Variants in DNAH17 observed in about 807,000 individuals in gnomAD.
The protein encoded by DNAH17 is dynein axonemal heavy chain 17.
In DNAH17, 376 loss-of-function variants were observed where a neutral mutation model predicts 485.6. The ratio of observed to expected loss-of-function variants is 0.77; its 90% CI spans 0.71 to 0.84. The LOEUF (loss-of-function observed/expected upper bound fraction) is 0.84. DNAH17 is among the 40% of genes least tolerant of loss of function. DNAH17 has a pLI of 0.00. For missense variants in DNAH17, 6,370 were observed against 5,839.3 expected (o/e 1.09, Z -2.96); for synonymous variants, 3,031 against 2,405.9 (o/e 1.26, Z -7.60).
chr17:78,556,085 CTCTG>C (rs1262912797), intron 14 of DNAH17, among the ~76,000 whole-genome samples: 4 of 152,300 alleles, frequency 2.6e-5, no homozygotes, highest in East Asian at 3.9e-4. Context: ...ATGTCTATAT[CTCTG>C]TCTGTCCATC....
chr17:78,542,710 T>G (rs1040836989), intron 17 of DNAH17, among the ~76,000 whole-genome samples: 10 of 152,180 alleles, frequency 6.6e-5, no homozygotes, highest in African/African-American at 2.4e-4. Flanking sequence ...TCATATGCTG[T>G]TGGGACTACT....
At chr17:78,428,381 T>G in intron 77 of DNAH17, 144 bp downstream of exon 77, 3 of 996,468 alleles carry the variant, frequency 3.0e-6, no homozygotes, top group East Asian at 2.6e-5. Context: ...CATACCCCAG[T>G]GTTTCTGATA....
In DNAH17 at chr17:78,532,534, G is replaced by C. The variant is rs1157222768; in HGVS notation, c.3062C>G (p.Thr1021Arg). ...CGGTGTCTTGGGGATGGTGTCATCT[G>C]TCCAGGTGTCCAAGTCCTCCGCAGT... is the stretch of plus-strand genomic sequence containing the variant. ...AVTAEDLDTW[T>R]DDTIPKTPPT... The change falls in exon 20 of 81, where the codon ACA becomes AGA. Residue 1021 changes from threonine to arginine, a missense_variant. Physicochemically the swap from Thr to Arg is moderately conservative, Grantham distance 71. Transcript: ENST00000389840. 6.2e-7 allele frequency: 1 copy of C among 1,611,330 alleles called. No individual in the cohort carries two copies.
intron 18 of DNAH17, 60 bp downstream of exon 18, chr17:78,539,677 T>A: frequency 7.3e-7 from 1 of 1,364,954 alleles, no homozygotes; most frequent in South Asian, 1.6e-5. Flanking sequence ...CTAGAAACTA[T>A]AGATTCTAAC....
intron 56 of DNAH17, among the ~76,000 whole-genome samples, chr17:78,464,513 G>A (rs189504095): frequency 6.6e-6 from 1 of 152,274 alleles, no homozygotes; most frequent in Admixed American, 6.5e-5. Context: ...TGCCCGCTTT[G>A]GCCCCCCAAA....
At position 78,424,160 on chromosome 17, in the gene DNAH17, G is replaced by C. The variant is rs1159531125; in HGVS notation, c.13142-7C>G. 9 of 1,606,100 alleles carry C rather than the reference G, an allele frequency of 5.6e-6. No homozygotes were observed. Among genetic ancestry groups the C allele is most frequent in the Non-Finnish European group, 7.6e-6 (9 of 1,176,746 alleles). On this transcript the variant is annotated splice_region_variant and splice_polypyrimidine_tract_variant and intron_variant, in intron 80 of 80. Coordinates refer to ENST00000389840, the MANE Select transcript of DNAH17 (RefSeq NM_173628.4). ...TGGGTGTCCCAGCGAGCCCCTGCAGGGACAGTATGGCTGAGGGTCAGGTGT... is the reference window on the plus strand; with the variant it reads ...TGGGTGTCCCAGCGAGCCCCTGCAGCGACAGTATGGCTGAGGGTCAGGTGT...
chr17:78,465,470 C>CA (rs1290503977), intron 56 of DNAH17, among the ~76,000 whole-genome samples: 2 of 142,600 alleles, frequency 1.4e-5, no homozygotes, highest in African/African-American at 5.1e-5. Context: ...GCTGCCATCC[C>CA]ACCTAGGAAG....
At chr17:78,560,450 G>A (rs1417135197) in intron 13 of DNAH17, among the ~76,000 whole-genome samples, 2 of 151,648 alleles carry the variant, frequency 1.3e-5, no homozygotes, top group East Asian at 2.0e-4. Context: ...ACCAGCCAGT[G>A]CATTTATCTA....
rs2090354054 is a variant in DNAH17, at chr17:78,503,004, A to C, written c.4964T>G (p.Val1655Gly). The change falls in exon 32 of 81, where the codon GTG (valine) becomes GGG (glycine). Residue 1655 changes from valine to glycine, a missense_variant. Val to Gly is a moderately radical substitution (Grantham distance 109). Coordinates refer to ENST00000389840, the MANE Select transcript of DNAH17 (RefSeq NM_173628.4). ...TCGGTCCAGCACTCGATTCAGCCAC[A>C]CTTCCACCTGGGGACGGGAGCCACG... ...QECDLSGQVEVWLNRVLDRMC... is the reference protein window; with the variant it reads ...QECDLSGQVEGWLNRVLDRMC... 1.2e-6 allele frequency: 2 copies of C among 1,613,270 alleles called. No individual in the cohort carries two copies. Among genetic ancestry groups the C allele is most frequent in the Non-Finnish European group, 1.7e-6 (2 of 1,179,650 alleles).
chr17:78,483,623 T>G (rs1480312158), intron 48 of DNAH17, among the ~76,000 whole-genome samples: 1 of 126,622 alleles, frequency 7.9e-6, no homozygotes, highest in Non-Finnish European at 1.7e-5. Flanking sequence ...AGAGCGAAAC[T>G]CTGTCTTGGA....
chr17:78,514,870 G>C lies in DNAH17; in HGVS notation c.4017C>G (p.Thr1339=). ...GCAGGGACGTGATCACGTTTTTCAC[G>C]GTGTTGTCGAGCCCCACGAAGGCAT... ...TWDAFVGLDN[T]VKNVITSLRA... is the part of the protein sequence containing the mutation. Residue 1339 remains threonine (T), a synonymous_variant, in exon 26 of 81, where the codon ACC becomes ACG. Coordinates refer to ENST00000389840, the MANE Select transcript of DNAH17 (RefSeq NM_173628.4). 2 of 1,614,036 alleles carry C rather than the reference G, an allele frequency of 1.2e-6. No homozygotes were observed. Among genetic ancestry groups the C allele is most frequent in the Non-Finnish European group, 8.5e-7 (1 of 1,179,886 alleles).
chr17:78,498,927 CT>C (rs1240613391), intron 37 of DNAH17, 80 bp downstream of exon 37: 1 of 1,098,842 alleles, frequency 9.1e-7, no homozygotes, highest in East Asian at 2.7e-5. Context: ...CAAGGAGGGT[CT>C]ATCTGGCGTG....
At chr17:78,459,577 C>T (rs1029382050) in intron 60 of DNAH17, among the ~76,000 whole-genome samples, 1 of 152,208 alleles carries the variant, frequency 6.6e-6, no homozygotes, top group African/African-American at 2.4e-5. Context: ...TGGGGCCTGG[C>T]TGGCCTCTCT....
At position 78,571,277 on chromosome 17, in the gene DNAH17, A is replaced by AC. The variant is rs1568273962; in HGVS notation, c.832+1dup. Reference sequence around the variant, plus strand: ...GAACTCATGACAGGGTCACAGGCTCACCTTCAGTGACGTTGGTGTAAACGT... The same window carrying AC: ...GAACTCATGACAGGGTCACAGGCTCACCCTTCAGTGACGTTGGTGTAAACGT... On this transcript the variant is annotated splice_donor_variant, in intron 5 of 80. Coordinates refer to ENST00000389840, the MANE Select transcript of DNAH17 (RefSeq NM_173628.4). LOFTEE classifies it high-confidence loss of function. 1 of 1,611,778 alleles carries AC rather than the reference A, an allele frequency of 6.2e-7. No individual in the cohort carries two copies.
At chr17:78,542,783 A>C (rs2091633607) in intron 17 of DNAH17, among the ~76,000 whole-genome samples, 1 of 152,152 alleles carries the variant, frequency 6.6e-6, no homozygotes, top group African/African-American at 2.4e-5. Context: ...CATTCTACCC[A>C]TTCACATATG....
At chr17:78,494,326 CGA>C (rs781119599) in intron 40 of DNAH17, 153 bp from the exon 41 acceptor site, 14 of 1,198,656 alleles carry the variant, frequency 1.2e-5, no homozygotes, top group Non-Finnish European at 1.5e-5. Flanking sequence ...CTGTCAATGC[CGA>C]GAGTTGACAT....
At chr17:78,484,751 G>GCCCCCCCCCCCCCCCCC in intron 48 of DNAH17, 117 bp downstream of exon 48, 1 of 135,818 alleles carries the variant, frequency 7.4e-6, no homozygotes, top group Non-Finnish European at 1.2e-5. Context: ...CCCCCCCACC[G>GCCCCCCCCCCCCCCCCC]CCCCACACCA....
chr17:78,569,196 A>T lies in DNAH17; in HGVS notation c.1254T>A (p.Asn418Lys), dbSNP rs757695184. The T allele has an allele frequency of 1.2e-6, 2 of 1,608,250 alleles. No individual in the cohort carries two copies. Among genetic ancestry groups the T allele is most frequent in the Non-Finnish European group, 1.7e-6 (2 of 1,177,314 alleles). The change falls in exon 9 of 81, where the codon AAT becomes AAA. Residue 418 changes from asparagine (N) to lysine (K), a missense_variant. Transcript: ENST00000389840. ...TGGTCTGGATGCGCTGGAAGAAGGA[A>T]TTTATCCTGGAAAAGGCAAGAGAAG... is the stretch of plus-strand genomic sequence containing the variant. ...FPSSLAFSRI[N>K]SFFQRIQTIE... is the part of the protein sequence containing the mutation.
intron 77 of DNAH17, among the ~76,000 whole-genome samples, chr17:78,427,335 G>A (rs1482729698): frequency 6.6e-6 from 1 of 152,238 alleles, no homozygotes; most frequent in Non-Finnish European, 1.5e-5. Flanking sequence ...ACAAGTCCCT[G>A]CAGCCGCGGC....
Sources: allele counts gnomAD v4.1 joint callset (sites outside exome capture counted in the v4.1 genomes callset), GRCh38; gene constraint gnomAD v4.1.1; transcripts MANE v1.5; gene names NCBI Gene and HGNC (gene_info 2026-07-23, HGNC 2026-07-21).